Variants in BRCA1 observed in about 807,000 individuals in gnomAD.
BRCA1 encodes the protein BRCA1 DNA repair associated.
BRCA1 carries 140 observed loss-of-function variants against 173.7 expected under a neutral mutation model. That is an observed-to-expected ratio of 0.81 (90% CI 0.70 to 0.93). The LOEUF (loss-of-function observed/expected upper bound fraction) is 0.93, where lower values mean the gene tolerates loss of function less well. Ranked by LOEUF, BRCA1 falls within the 40% of genes least tolerant of loss-of-function variation. The probability of loss-of-function intolerance (pLI) is 0.00; values close to 1 mark genes in which losing one functional copy is unlikely to be tolerated. For missense variants in BRCA1, 1,983 were observed against 2,172.5 expected (o/e 0.91, Z 1.73); for synonymous variants, 662 against 756.0 (o/e 0.88, Z 2.04).
chr17:43,105,237 CT>C (rs899607781), intron 4 of BRCA1, among the ~76,000 whole-genome samples: 6 of 148,842 alleles, frequency 4.0e-5, no homozygotes, highest in East Asian at 2.0e-4. Flanking sequence ...AACTAGAGTA[CT>C]TTTTTTTTTG....
chr17:43,046,598 C>T (rs919048804), intron 22 of BRCA1, among the ~76,000 whole-genome samples: 3 of 151,722 alleles, frequency 2.0e-5, no homozygotes, highest in Non-Finnish European at 4.4e-5. Flanking sequence ...GATGGGGTTT[C>T]GCCATATTGG....
chr17:43,108,484 C>G (rs191056374), intron 3 of BRCA1, among the ~76,000 whole-genome samples: 7 of 151,990 alleles, frequency 4.6e-5, no homozygotes, highest in Non-Finnish European at 1.0e-4. Context: ...AGGCAGATCA[C>G]TTGAGGCCTG....
At chr17:43,147,202 T>G (rs1343584648) in intron 1 of BRCA1, among the ~76,000 whole-genome samples, 6 of 151,376 alleles carry the variant, frequency 4.0e-5, no homozygotes, top group African/African-American at 1.5e-4. Context: ...GTTTCTTTTT[T>G]ATTTTGAGAC....
intron 11 of BRCA1, among the ~76,000 whole-genome samples, chr17:43,087,950 G>A (rs2053294514): frequency 1.3e-5 from 2 of 151,686 alleles, no homozygotes; most frequent in African/African-American, 4.8e-5. Context: ...GCAGTAGCGT[G>A]ATCACAACTC....
rs1173155015 is a variant in BRCA1, at chr17:43,071,026, C to T, written c.4888G>A (p.Glu1630Lys). The T allele has an allele frequency of 6.2e-7, 1 of 1,614,216 alleles. No homozygotes were observed. The highest frequency in any genetic ancestry group is 1.3e-5 in the African/African-American group (1 of 75,056). The change falls in exon 15 of 23, where the codon GAA becomes AAA. Residue 1630 changes from glutamate to lysine, a missense_variant. Glu to Lys is a moderately conservative substitution (Grantham distance 56). Transcript: ENST00000357654. ...TCTGGCTTCTCCCTGCTCACACTTTCTTCCATTGCATTATACCCAGCAGTA... is the reference window on the plus strand; with the variant it reads ...TCTGGCTTCTCCCTGCTCACACTTTTTTCCATTGCATTATACCCAGCAGTA... ...TDTAGYNAME[E>K]SVSREKPELT...
chr17:43,136,939 C>T (rs1046896137), intron 1 of BRCA1, among the ~76,000 whole-genome samples: 2 of 152,118 alleles, frequency 1.3e-5, no homozygotes, highest in Admixed American at 6.6e-5. Flanking sequence ...GGGCATATAT[C>T]CAAAGGATTA....
intron 1 of BRCA1, chr17:43,166,347 A>G (rs926337749): frequency 1.3e-5 from 2 of 152,328 alleles, no homozygotes; most frequent in African/African-American, 4.8e-5. Flanking sequence ...GTCTAAAACC[A>G]GCTCTAATCA....
intron 7 of BRCA1, among the ~76,000 whole-genome samples, chr17:43,098,060 T>C (rs1347612250): frequency 6.7e-6 from 1 of 149,502 alleles, no homozygotes; most frequent in African/African-American, 2.5e-5. Flanking sequence ...GGTCTTGCTC[T>C]GTCACCCAGG....
chr17:43,044,610 G>C lies in BRCA1; in HGVS notation c.*1068C>G, dbSNP rs748095428. On this transcript the variant is annotated 3_prime_UTR_variant, in exon 23 of 23. Coordinates refer to ENST00000357654, the MANE Select transcript of BRCA1 (RefSeq NM_007294.4). ...ATAGATATGAAATATTCATGCCAGAGGTCTTATATTTTAAGAGGAATGGAT... is the reference window on the plus strand; with the variant it reads ...ATAGATATGAAATATTCATGCCAGACGTCTTATATTTTAAGAGGAATGGAT... 3 of 503,206 alleles carry C rather than the reference G, an allele frequency of 6.0e-6. No homozygotes were observed. Among genetic ancestry groups the C allele is most frequent in the African/African-American group, 1.9e-5 (1 of 52,020 alleles). The allele number at this position is 503,206 out of a possible 1,614,324, so 31.2% of individuals were successfully genotyped here.
rs191322344 is a variant in BRCA1 at position 43,078,030 on chromosome 17, C to T, written c.4358-1416G>A. ...GATTACAGGCGTGAGCCACTGCGCC[C>T]GACCGTTATTTTTCAACGAGATGGG... On this transcript the variant is annotated intron_variant, in intron 12 of 22. Coordinates refer to ENST00000357654, the MANE Select transcript of BRCA1 (RefSeq NM_007294.4). 1.7e-4 allele frequency among the ~76,000 whole-genome samples: 26 copies of T among 151,504 alleles called. No individual in the cohort carries two copies. The South Asian group carries it at 2.5e-3, about 15-fold the overall frequency.
At chr17:43,127,238 T>C (rs1487313047), upstream of BRCA1, among the ~76,000 whole-genome samples, 1 of 152,206 alleles carries the variant, frequency 6.6e-6, no homozygotes, top group Non-Finnish European at 1.5e-5. Flanking sequence ...CAGGATCCAC[T>C]AGGTGAAGCC....
rs1429354918 is a variant in BRCA1, at chr17:43,091,272, C to CT, written c.4096+162dup. On this transcript the variant is annotated intron_variant, in intron 10 of 22. Transcript: ENST00000357654. ...GATGACGTCCTAGCTGTGTGAAGGACTTTTTTCTATGAAAAGCACCTTAGG... is the reference window on the plus strand; with the variant it reads ...GATGACGTCCTAGCTGTGTGAAGGACTTTTTTTCTATGAAAAGCACCTTAGG... 4 of 1,025,934 alleles carry CT rather than the reference C, an allele frequency of 3.9e-6. No individual in the cohort carries two copies. In the Admixed American group the frequency reaches 6.4e-5, roughly 16 times the overall value. 63.6% of individuals were successfully genotyped at this position (1,025,934 alleles called of 1,614,324 possible).
intron 1 of BRCA1, chr17:43,161,432 TCTC>T (rs1242138164): frequency 5.9e-5 from 9 of 152,170 alleles, no homozygotes; most frequent in Non-Finnish European, 5.9e-5. Context: ...GCCCAGGAGT[TCTC>T]CTGTTTTTAT....
intron 1 of BRCA1, among the ~76,000 whole-genome samples, chr17:43,153,141 C>A (rs1203759750): frequency 6.6e-6 from 1 of 152,212 alleles, no homozygotes; most frequent in Non-Finnish European, 1.5e-5. Context: ...GGACAGGTCA[C>A]TCGACCTGTA....
chr17:43,052,852 G>T (rs906533445), intron 19 of BRCA1, among the ~76,000 whole-genome samples: 1 of 144,862 alleles, frequency 6.9e-6, no homozygotes, highest in African/African-American at 2.6e-5. Context: ...AGAGTGAAAA[G>T]AAATGGCAGT....
At chr17:43,162,321 CTT>C (rs2056241506) in intron 1 of BRCA1, 2 of 152,156 alleles carry the variant, frequency 1.3e-5, no homozygotes, top group Non-Finnish European at 2.9e-5. Context: ...TTATTCCTAA[CTT>C]ATTACTATTA....
At chr17:43,110,580 C>A in intron 3 of BRCA1, 1 of 406,868 alleles carries the variant, frequency 2.5e-6, no homozygotes, top group Non-Finnish European at 4.8e-6. Context: ...AGAGTAAGAC[C>A]CTGTCTCAAA....
At chr17:43,062,889 A>ACCCGATTTTTTTT (rs1429881200) in intron 18 of BRCA1, among the ~76,000 whole-genome samples, 2 of 149,774 alleles carry the variant, frequency 1.3e-5, no homozygotes, top group African/African-American at 4.9e-5. Flanking sequence ...GAGCCACTGC[A>ACCCGATTTTTTTT]CCCGATTTTT....
intron 1 of BRCA1, among the ~76,000 whole-genome samples, chr17:43,141,421 T>C (rs1439927402): frequency 6.6e-6 from 1 of 151,708 alleles, no homozygotes; most frequent in Admixed American, 6.6e-5. Context: ...CAGTGAGCTA[T>C]GAATGCACCA....
Sources: gnomAD v4.1 joint callset for allele counts (sites outside exome capture counted in the v4.1 genomes callset) on GRCh38, gnomAD v4.1.1 for gene constraint, MANE v1.5 for transcripts, NCBI Gene and HGNC (gene_info 2026-07-23, HGNC 2026-07-21) for gene names.